CHI3L1: variants seen among roughly 807,000 people sequenced by gnomAD.
CHI3L1 encodes the protein chitinase 3 like 1, also known as chitinase-3-like protein 1.
A neutral mutation model predicts 40.7 loss-of-function variants in CHI3L1; 30 were observed. The observed-to-expected ratio is 0.74, with a 90% CI of 0.55 to 1.00. CHI3L1 has a LOEUF of 1.00. Among genes scored for constraint, CHI3L1 ranks in the 50% least tolerant of loss-of-function variants. The probability of loss-of-function intolerance (pLI) is 0.00; values close to 1 mark genes in which losing one functional copy is unlikely to be tolerated. For synonymous variants in CHI3L1, 210 were observed against 192.1 expected (o/e 1.09, Z -0.77); for missense variants, 493 against 492.2 (o/e 1.00, Z -0.01).
At chr1:203,182,082 C>G (rs1174276306) in intron 6 of CHI3L1, 3 of 152,524 alleles carry the variant, frequency 2.0e-5, no homozygotes, top group African/African-American at 7.2e-5. Context: ...GTTTCCCACC[C>G]TCTAAAGAAT....
rs764373337 is a variant in CHI3L1 at position 203,185,165 on chromosome 1, TG to T, written c.257+18del. 1 of 1,610,846 alleles carries T rather than the reference TG, an allele frequency of 6.2e-7. No individual in the cohort carries two copies. The highest frequency in any genetic ancestry group is 8.5e-7 in the Non-Finnish European group (1 of 1,177,898). ...CCAGCCCAGCTGGTCCCTCCTCTCCTGGCCAGCCCTGGCCCAACCTGTTCTT... is the reference window on the plus strand; with the variant it reads ...CCAGCCCAGCTGGTCCCTCCTCTCCTGCCAGCCCTGGCCCAACCTGTTCTT... On this transcript the variant is annotated intron_variant, in intron 3 of 9. Coordinates refer to ENST00000255409, the MANE Select transcript of CHI3L1 (RefSeq NM_001276.4).
intron 4 of CHI3L1, 117 bp downstream of exon 4, chr1:203,184,459 T>G: frequency 8.5e-6 from 7 of 823,424 alleles, no homozygotes; most frequent in Non-Finnish European, 1.5e-5. Flanking sequence ...CAGGTAGGCC[T>G]TGTACCTATC....
intron 2 of CHI3L1, among the ~76,000 whole-genome samples, chr1:203,185,826 T>C (rs1300662379): frequency 6.6e-6 from 1 of 152,188 alleles, no homozygotes; most frequent in Non-Finnish European, 1.5e-5. Context: ...CCTTCATCCA[T>C]GAGGGACTCT....
chr1:203,180,266 G>A (rs1435491382), intron 8 of CHI3L1: 2 of 581,314 alleles, frequency 3.4e-6, no homozygotes, highest in Non-Finnish European at 3.0e-6. Flanking sequence ...GGTGCCTAGT[G>A]GTGCAGGCCC....
rs760097618 is a variant in CHI3L1 at position 203,180,679 on chromosome 1, T to G, written c.712-27A>C. The G allele has an allele frequency of 1.9e-6, 3 of 1,554,054 alleles. No individual in the cohort carries two copies. The South Asian group carries it at 3.6e-5, about 19-fold the overall frequency. On this transcript the variant is annotated intron_variant, in intron 7 of 9. Transcript: ENST00000255409. ...TGGGTGGGGTAGGGTGGGAACAACG[T>G]GAGCAGTTAGTGCACAGGTGCGGAA... is the stretch of plus-strand genomic sequence containing the variant.
At chr1:203,186,569 T>C (rs1656060083) in intron 1 of CHI3L1, 30 bp downstream of exon 1, 1 of 1,613,910 alleles carries the variant, frequency 6.2e-7, no homozygotes. Flanking sequence ...CCCACAACTC[T>C]GATGGATTAA....
chr1:203,186,470 C>T, intron 1 of CHI3L1, 125 bp from the exon 2 acceptor site: 2 of 1,501,774 alleles, frequency 1.3e-6, no homozygotes, highest in Non-Finnish European at 1.8e-6. Flanking sequence ...CAGTCCCTCC[C>T]CTGGCTCTGC....
At chr1:203,186,173 T>A in intron 2 of CHI3L1, 143 bp downstream of exon 2, 1 of 835,428 alleles carries the variant, frequency 1.2e-6, no homozygotes, top group Non-Finnish European at 2.0e-6. Flanking sequence ...CACTCCAGTT[T>A]AGCAAACGTG....
At chr1:203,180,765 T>TC in intron 7 of CHI3L1, 113 bp from the exon 8 acceptor site, 1 of 738,422 alleles carries the variant, frequency 1.4e-6, no homozygotes, top group Non-Finnish European at 2.2e-6. Context: ...CACTGGGGAT[T>TC]CCCCTGTCCC....
chr1:203,186,589 GC>G lies in CHI3L1; in HGVS notation c.25+9del. The G allele has an allele frequency of 6.2e-7, 1 of 1,614,126 alleles. No homozygotes were observed. Among genetic ancestry groups the G allele is most frequent in the South Asian group, 1.1e-5 (1 of 91,078 alleles). ...AACTCTGATGGATTAACCTTGGCTA[GC>G]CCAGATACCTGTTTGAGACGCCTTC... On this transcript the variant is annotated intron_variant, in intron 1 of 9. Transcript: ENST00000255409.
At position 203,180,547 on chromosome 1, in the gene CHI3L1, C is replaced by T. The variant is rs200476432; in HGVS notation, c.817G>A (p.Gly273Ser). The change falls in exon 8 of 10, where the codon GGT becomes AGT. Residue 273 changes from glycine (G) to serine (S), a missense_variant. Transcript: ENST00000255409. The part of the protein sequence containing the change: ...RSFTLASSET[G>S]VGAPISGPGI... ...GGTCCTGAGATTGGGGCTCCAACAC[C>T]AGTCTCAGAAGAAGCCAGAGTGAAG... The T allele has an allele frequency of 3.1e-6, 5 of 1,611,470 alleles. No individual in the cohort carries two copies. Among genetic ancestry groups the T allele is most frequent in the Middle Eastern group, 3.3e-4 (2 of 6,052 alleles).
chr1:203,186,492 C>T (rs1256879847), intron 1 of CHI3L1, 107 bp downstream of exon 1: 4 of 1,545,618 alleles, frequency 2.6e-6, no homozygotes, highest in Admixed American at 1.7e-5. Context: ...TCTCCTCCCC[C>T]TCTGCCCACT....
rs947622493 is a variant in CHI3L1, at chr1:203,179,284, G to T, written c.*161C>A. 3 of 603,724 alleles carry T rather than the reference G, an allele frequency of 5.0e-6. No homozygotes were observed. The highest frequency in any genetic ancestry group is 8.5e-6 in the Non-Finnish European group (3 of 353,902). The allele number at this position is 603,724 out of a possible 1,614,324, so 37.4% of individuals were successfully genotyped here. On this transcript the variant is annotated 3_prime_UTR_variant, in exon 10 of 10. Transcript: ENST00000255409. The stretch of plus-strand genomic sequence containing the variant: ...CCCTACCTCTCTGCCCACCAGGGCT[G>T]AGCTCAAATCTGTGTGTTGTGGACC...
At chr1:203,180,448 A>G in intron 8 of CHI3L1, 22 bp downstream of exon 8, 1 of 1,525,906 alleles carries the variant, frequency 6.6e-7, no homozygotes, top group East Asian at 2.4e-5. Context: ...GGGGAATCCT[A>G]CCTTCTCCCC....
At chr1:203,182,938 A>G in intron 5 of CHI3L1, 86 bp from the exon 6 acceptor site, 3 of 1,438,856 alleles carry the variant, frequency 2.1e-6, no homozygotes, top group Non-Finnish European at 2.9e-6. Flanking sequence ...TCTCTGCGCA[A>G]CCCATTTGCT....
intron 6 of CHI3L1, 107 bp from the exon 7 acceptor site, chr1:203,181,392 GC>G: frequency 7.9e-7 from 1 of 1,267,310 alleles, no homozygotes; most frequent in South Asian, 1.4e-5. Context: ...GGAGGCCGAG[GC>G]AGGTGGATCA....
Position 203,185,201 on chromosome 1 carries a change from G to A in CHI3L1, c.240C>T (p.Leu80=), listed in dbSNP as rs1558149434. 1 of 1,614,008 alleles carries A rather than the reference G, an allele frequency of 6.2e-7. No individual in the cohort carries two copies. The highest frequency in any genetic ancestry group is 2.2e-5 in the East Asian group (1 of 44,866). ...GGCCCAACCTGTTCTTGAGTGTGTT[G>A]AGCATGCCGTAGAGCGTCACATCAT... ...EWNDVTLYGM[L]NTLKNRNPNL... The change falls in exon 3 of 10, where the codon CTC becomes CTT. Residue 80 remains leucine (L), a synonymous_variant. Transcript: ENST00000255409.
intron 8 of CHI3L1, 102 bp from the exon 9 acceptor site, chr1:203,179,979 T>C: frequency 9.7e-7 from 1 of 1,033,706 alleles, no homozygotes; most frequent in Non-Finnish European, 1.5e-6. Flanking sequence ...TCCTGCTCCA[T>C]CCTGCAGCCT....
intron 2 of CHI3L1, among the ~76,000 whole-genome samples, 195 bp from the exon 3 acceptor site, chr1:203,185,580 A>G (rs545876069): frequency 6.6e-6 from 1 of 152,346 alleles, no homozygotes; most frequent in East Asian, 1.9e-4. Context: ...CTGACTGGTG[A>G]AAATAAGGCC....
Sources: allele counts gnomAD v4.1 joint callset (sites outside exome capture counted in the v4.1 genomes callset), GRCh38; gene constraint gnomAD v4.1.1; transcripts MANE v1.5; gene names NCBI Gene and HGNC (gene_info 2026-07-23, HGNC 2026-07-21).